DEPDC5: variants seen among roughly 807,000 people sequenced by gnomAD.
The protein encoded by DEPDC5 is DEP domain containing 5, GATOR1 subcomplex subunit.
Under a neutral mutation model 217.3 loss-of-function variants are expected in DEPDC5, and 73 were observed. The ratio of observed to expected loss-of-function variants is 0.34; its 90% confidence interval spans 0.28 to 0.41. DEPDC5 has a LOEUF of 0.41. Among genes scored for constraint, DEPDC5 ranks in the 10% least tolerant of loss-of-function variants. The pLI is 1.00. For synonymous variants in DEPDC5, 733 were observed against 756.7 expected (o/e 0.97, Z 0.51); for missense variants, 1,675 against 2,070.1 (o/e 0.81, Z 3.70).
intron 24 of DEPDC5, among the ~76,000 whole-genome samples, chr22:31,829,941 T>C (rs1383732436): frequency 6.6e-6 from 1 of 152,240 alleles, no homozygotes; most frequent in African/African-American, 2.4e-5. Flanking sequence ...GGATGCCATG[T>C]TTTCTTTCTC....
At chr22:31,812,356 A>T (rs1465212083) in intron 20 of DEPDC5, among the ~76,000 whole-genome samples, 1 of 151,612 alleles carries the variant, frequency 6.6e-6, no homozygotes, top group Non-Finnish European at 1.5e-5. Context: ...TGAATGTGTG[A>T]AACAGCTCTA....
chr22:31,862,134 C>T (rs938322439), intron 33 of DEPDC5, among the ~76,000 whole-genome samples: 2 of 151,936 alleles, frequency 1.3e-5, no homozygotes, highest in South Asian at 2.1e-4. Context: ...CCCAGCTACT[C>T]GGGAGGCTGA....
intron 13 of DEPDC5, 47 bp downstream of exon 13, chr22:31,797,750 G>C (rs147261373): frequency 7.1e-7 from 1 of 1,413,222 alleles, no homozygotes; most frequent in Non-Finnish European, 1.0e-6. Flanking sequence ...AGGAAGTGTA[G>C]GAGGGGTCTG....
intron 31 of DEPDC5, among the ~76,000 whole-genome samples, chr22:31,853,955 C>T (rs572406952): frequency 6.6e-6 from 1 of 152,324 alleles, no homozygotes; most frequent in South Asian, 2.1e-4. Flanking sequence ...TGCAGAGGCA[C>T]GTGAAGGGCG....
Position 31,810,617 on chromosome 22 carries a change from G to A in DEPDC5, c.1421G>A (p.Arg474Gln), listed in dbSNP as rs1349979537. 3.7e-6 allele frequency: 6 copies of A among 1,613,980 alleles called. No homozygotes were observed. The highest frequency in any genetic ancestry group is 5.1e-6 in the Non-Finnish European group (6 of 1,180,038). Residue 474 changes from arginine (R) to glutamine (Q), a missense_variant, in exon 20 of 43, where the codon CGG becomes CAG. Around this residue, in one of 11 missense-constraint regions of DEPDC5, gnomAD observed 628 missense variants for 762.1 expected, o/e 0.82. Coordinates refer to ENST00000651528, the MANE Select transcript of DEPDC5 (RefSeq NM_001242896.3). ...GTGTTCAGGCTGCCCGGCCCATCCC[G>A]GGCCCAGTGCCTCACCACCTGCAGG... ...AQVFRLPGPS[R>Q]AQCLTTCRSV...
At chr22:31,785,115 T>C in intron 10 of DEPDC5, 2 of 407,698 alleles carry the variant, frequency 4.9e-6, no homozygotes, top group Non-Finnish European at 8.8e-6. Context: ...AAGGTAAGTA[T>C]GCTTGCTTTT....
rs547966902 is a variant in DEPDC5, at chr22:31,787,455, A to G, written c.624+2580A>G. On this transcript the variant is annotated intron_variant, in intron 10 of 42. Transcript: ENST00000651528. ...CACCAAAAGCACGGCATCCAAATTA[A>G]AAGCAGTTGAATCAGACTTCAAAAT... Among the ~76,000 whole-genome samples, 293 of 152,306 alleles carry G rather than the reference A, an allele frequency of 1.9e-3. 5 individuals carry two copies. Among genetic ancestry groups the G allele is most frequent in the Admixed American group, 0.019 (289 of 15,278 alleles).
At chr22:31,758,257 G>T (rs890296295) in intron 2 of DEPDC5, among the ~76,000 whole-genome samples, 1 of 152,124 alleles carries the variant, frequency 6.6e-6, no homozygotes, top group Admixed American at 6.6e-5. Context: ...CTGTCCAGAA[G>T]CCTAATTCCC....
At chr22:31,809,380 A>G (rs780966056) in intron 18 of DEPDC5, among the ~76,000 whole-genome samples, 14 of 152,186 alleles carry the variant, frequency 9.2e-5, no homozygotes, top group Non-Finnish European at 2.1e-4. Flanking sequence ...CTGCAATTGA[A>G]TATCCCCACT....
At chr22:31,874,163 T>A in intron 35 of DEPDC5, 110 bp from the exon 36 acceptor site, 1 of 1,450,388 alleles carries the variant, frequency 6.9e-7, no homozygotes, top group Non-Finnish European at 9.3e-7. Flanking sequence ...GGACATTGCT[T>A]TATGGTATTA....
chr22:31,855,499 C>T (rs2092251359), intron 31 of DEPDC5, among the ~76,000 whole-genome samples: 2 of 151,714 alleles, frequency 1.3e-5, no homozygotes, highest in South Asian at 4.2e-4. Flanking sequence ...GCCTCAGCCT[C>T]CCAAGTAGTT....
chr22:31,812,328 G>A (rs1021348419), intron 20 of DEPDC5, among the ~76,000 whole-genome samples: 22 of 149,502 alleles, frequency 1.5e-4, no homozygotes, highest in African/African-American at 5.4e-4. Context: ...TATTATTTAT[G>A]TTGACTTTCT....
At chr22:31,769,028 A>G (rs2083078455) in intron 7 of DEPDC5, 165 bp downstream of exon 7, 2 of 749,742 alleles carry the variant, frequency 2.7e-6, no homozygotes, top group South Asian at 3.5e-5. Context: ...TGGGAGGCCA[A>G]GGTGGGCGGA....
intron 22 of DEPDC5, among the ~76,000 whole-genome samples, chr22:31,819,571 T>A (rs1446373628): frequency 6.6e-6 from 1 of 150,764 alleles, no homozygotes; most frequent in East Asian, 2.0e-4. Context: ...AGGGCTCAGG[T>A]GATTCTCCCA....
intron 4 of DEPDC5, among the ~76,000 whole-genome samples, 154 bp from the exon 5 acceptor site, chr22:31,764,821 T>C (rs1367390305): frequency 6.6e-6 from 1 of 152,226 alleles, no homozygotes; most frequent in Admixed American, 6.5e-5. Context: ...CAGAGAATTG[T>C]TTAAATTCTA....
intron 39 of DEPDC5, among the ~76,000 whole-genome samples, chr22:31,895,614 G>C (rs2093535770): frequency 6.6e-6 from 1 of 151,956 alleles, no homozygotes; most frequent in Non-Finnish European, 1.5e-5. Context: ...ATACAACAGA[G>C]AACAGCTGGG....
rs1319305470 is a variant in DEPDC5, at chr22:31,893,737, G to GTA, written c.4190_4191dup (p.Leu1398TyrfsTer20). 6.2e-7 allele frequency: 1 copy of GTA among 1,607,048 alleles called. No individual in the cohort carries two copies. On this transcript the variant is annotated frameshift_variant, in exon 39 of 43. Transcript: ENST00000651528. LOFTEE classifies it high-confidence loss of function. ...GCACTGGATGGCGGTGACCGCAGCA[G>GTA]TACTCTTCGAGATGGTGAGAACCTT... is the stretch of plus-strand genomic sequence containing the variant.
At chr22:31,895,463 A>G (rs2093533202) in intron 39 of DEPDC5, among the ~76,000 whole-genome samples, 1 of 152,168 alleles carries the variant, frequency 6.6e-6, no homozygotes, top group South Asian at 2.1e-4. Flanking sequence ...CCAAGTTGTC[A>G]GTATCTTCCA....
At chr22:31,804,677 T>A (rs1268861698) in intron 16 of DEPDC5, among the ~76,000 whole-genome samples, 165 bp from the exon 17 acceptor site, 1 of 152,232 alleles carries the variant, frequency 6.6e-6, no homozygotes, top group African/African-American at 2.4e-5. Context: ...TGATTGCAGG[T>A]GGTCCGCCCG....
Sources: allele counts gnomAD v4.1 joint callset (sites outside exome capture counted in the v4.1 genomes callset), GRCh38; gene constraint gnomAD v4.1.1; regional missense constraint gnomAD v4.1.1; transcripts MANE v1.5; gene names NCBI Gene and HGNC (gene_info 2026-07-23, HGNC 2026-07-21).